The following ARHGAP18 variants were observed in gnomAD, a reference collection of about 807,000 sequenced individuals.
ARHGAP18 encodes the protein rho GTPase-activating protein 18.
ARHGAP18 carries 67 observed loss-of-function variants against 86.2 expected under a neutral mutation model. That is an observed-to-expected ratio of 0.78 (90% CI 0.64 to 0.95). The LOEUF is 0.95. Ranked by LOEUF, ARHGAP18 falls within the 40% of genes least tolerant of loss-of-function variation. ARHGAP18 has a pLI of 0.00. For missense variants in ARHGAP18, 691 were observed against 780.4 expected, an observed-to-expected ratio of 0.89 and a Z score of 1.37; for synonymous variants, 283 against 280.4, an observed-to-expected ratio of 1.01 and a Z score of -0.09.
At chr6:129,643,923 T>C (rs1562707891) in intron 1 of ARHGAP18, among the ~76,000 whole-genome samples, 1 of 152,246 alleles carries the variant, frequency 6.6e-6, no homozygotes, top group Non-Finnish European at 1.5e-5. Context: ...TAATTGTTTA[T>C]TGCTGCAAAT....
rs192503321 is a variant in ARHGAP18 at position 129,639,702 on chromosome 6, C to G, written c.317-1073G>C. ...TGACTTCAAGAGACATAAGCCAGTG[C>G]TAGGCACTGTGCACACCAGACAACA... On this transcript the variant is annotated intron_variant, in intron 2 of 14. Coordinates refer to ENST00000368149, the MANE Select transcript of ARHGAP18 (RefSeq NM_033515.3). Among the ~76,000 whole-genome samples, 473 of 152,252 alleles carry G rather than the reference C, an allele frequency of 3.1e-3. 3 individuals are homozygous for G. Among genetic ancestry groups the G allele is most frequent in the Non-Finnish European group, 3.5e-3 (240 of 68,026 alleles).
Position 129,643,303 on chromosome 6 carries a change from G to T in ARHGAP18, c.114-1285C>A, listed in dbSNP as rs142806491. On this transcript the variant is annotated intron_variant, in intron 1 of 14. Transcript: ENST00000368149. ...GAGTCCTGGGGGGACCCAACAGGAGGTAATTTAATCATGGGGGCAGTTACT... is the reference window on the plus strand; with the variant it reads ...GAGTCCTGGGGGGACCCAACAGGAGTTAATTTAATCATGGGGGCAGTTACT... Among the ~76,000 whole-genome samples, 1,285 of 152,236 alleles carry T rather than the reference G, an allele frequency of 8.4e-3. 13 individuals are homozygous for T. Among genetic ancestry groups the T allele is most frequent in the African/African-American group, 0.029 (1,189 of 41,512 alleles).
chr6:129,578,774 G>A (rs1584015453), intron 14 of ARHGAP18, among the ~76,000 whole-genome samples, 170 bp from the exon 15 acceptor site: 1 of 152,160 alleles, frequency 6.6e-6, no homozygotes, highest in Non-Finnish European at 1.5e-5. Flanking sequence ...GGCCAGCCTG[G>A]GCAACATAAT....
At chr6:129,631,290 CCACACT>C (rs1181548067) in intron 4 of ARHGAP18, among the ~76,000 whole-genome samples, 1 of 152,006 alleles carries the variant, frequency 6.6e-6, no homozygotes, top group Admixed American at 6.6e-5. Flanking sequence ...ATAAATACCC[CCACACT>C]CACACCCACA....
intron 4 of ARHGAP18, 89 bp downstream of exon 4, chr6:129,633,953 G>T (rs574986189): frequency 5.3e-6 from 6 of 1,127,192 alleles, no homozygotes; most frequent in Non-Finnish European, 7.6e-6. Context: ...TTGCTTACTA[G>T]AATTGAAGGT....
intron 5 of ARHGAP18, among the ~76,000 whole-genome samples, chr6:129,624,045 A>G (rs901598097): frequency 5.3e-5 from 8 of 152,206 alleles, no homozygotes; most frequent in African/African-American, 1.9e-4. Context: ...AAGGTAAATT[A>G]GTTAAACAGA....
At chr6:129,670,102 T>C (rs1422688790) in intron 1 of ARHGAP18, among the ~76,000 whole-genome samples, 2 of 152,236 alleles carry the variant, frequency 1.3e-5, no homozygotes, top group Admixed American at 1.3e-4. Context: ...GCTACTTTGC[T>C]GGACTGAAAT....
chr6:129,689,783 A>G (rs1427044891), intron 1 of ARHGAP18, among the ~76,000 whole-genome samples: 1 of 152,116 alleles, frequency 6.6e-6, no homozygotes, highest in East Asian at 1.9e-4. Context: ...CTGTTCCTCT[A>G]TTTCATCACT....
intron 1 of ARHGAP18, among the ~76,000 whole-genome samples, chr6:129,678,413 A>G (rs555149851): frequency 7.9e-5 from 12 of 152,090 alleles, no homozygotes; most frequent in South Asian, 6.2e-4. Context: ...AACACACTCA[A>G]CGGATGCCTG....
In ARHGAP18 at chr6:129,675,467, C is replaced by T. The variant is rs570722475; in HGVS notation, c.114-33449G>A. 3.3e-4 allele frequency among the ~76,000 whole-genome samples: 50 copies of T among 152,108 alleles called. 1 individual carries two copies. The highest frequency in any genetic ancestry group is 1.0e-3 in the African/African-American group (42 of 41,506). On this transcript the variant is annotated intron_variant, in intron 1 of 14. Coordinates refer to ENST00000368149, the MANE Select transcript of ARHGAP18 (RefSeq NM_033515.3). ...ACTGATGAGCTACATAACCCTAACA[C>T]CCATTTTTCACATCTGCAAGGTGTG...
intron 1 of ARHGAP18, among the ~76,000 whole-genome samples, chr6:129,643,106 T>C (rs1032695254): frequency 2.0e-5 from 3 of 152,106 alleles, no homozygotes; most frequent in Admixed American, 1.3e-4. Context: ...TAAAAACCTA[T>C]ATATAATAAA....
At chr6:129,696,602 A>G (rs1309148495) in intron 1 of ARHGAP18, among the ~76,000 whole-genome samples, 1 of 152,246 alleles carries the variant, frequency 6.6e-6, no homozygotes, top group Non-Finnish European at 1.5e-5. Flanking sequence ...TATATGGGGA[A>G]TTGAATCTAT....
intron 12 of ARHGAP18, among the ~76,000 whole-genome samples, chr6:129,586,807 T>G (rs1788403482): frequency 1.3e-5 from 2 of 152,180 alleles, no homozygotes; most frequent in Admixed American, 1.3e-4. Flanking sequence ...ACTGTTTGGA[T>G]AAAAAGGCCC....
intron 3 of ARHGAP18, among the ~76,000 whole-genome samples, chr6:129,637,620 C>T (rs77598524): frequency 6.6e-6 from 1 of 152,160 alleles, no homozygotes; most frequent in Non-Finnish European, 1.5e-5. Flanking sequence ...CTACTTGTGT[C>T]AATCACCAAA....
chr6:129,614,230 C>A (rs148970062), intron 7 of ARHGAP18, among the ~76,000 whole-genome samples: 1,651 of 152,250 alleles, frequency 0.011, 33 homozygotes, highest in African/African-American at 0.038. Context: ...GGTAATGAAT[C>A]TTCTTGCAAA....
At chr6:129,666,828 A>C (rs1322317367) in intron 1 of ARHGAP18, among the ~76,000 whole-genome samples, 1 of 152,234 alleles carries the variant, frequency 6.6e-6, no homozygotes, top group Non-Finnish European at 1.5e-5. Context: ...CCCACAAATA[A>C]GGTTACAAGT....
intron 4 of ARHGAP18, among the ~76,000 whole-genome samples, chr6:129,631,685 A>G (rs983485175): frequency 6.6e-6 from 1 of 151,982 alleles, no homozygotes. Flanking sequence ...TAAGTTTTTC[A>G]GTTGTCCAAA....
intron 1 of ARHGAP18, among the ~76,000 whole-genome samples, chr6:129,676,152 C>G (rs1241185270): frequency 6.6e-6 from 1 of 152,194 alleles, no homozygotes; most frequent in Admixed American, 6.5e-5. Flanking sequence ...ATGAGGAGAG[C>G]TGCTAACTGG....
At chr6:129,672,164 C>T (rs1483355832) in intron 1 of ARHGAP18, among the ~76,000 whole-genome samples, 1 of 152,150 alleles carries the variant, frequency 6.6e-6, no homozygotes, top group African/African-American at 2.4e-5. Context: ...ATGTCCTCTG[C>T]AATCATCGCC....
Sources: allele counts gnomAD v4.1 joint callset (sites outside exome capture counted in the v4.1 genomes callset), GRCh38; gene constraint gnomAD v4.1.1; transcripts MANE v1.5; gene names NCBI Gene and HGNC (gene_info 2026-07-23, HGNC 2026-07-21).